TMEM245: variants seen among roughly 807,000 people sequenced by gnomAD.
TMEM245 encodes protein CG-2.
In TMEM245, 69 loss-of-function variants were observed where a neutral mutation model predicts 101.2. The ratio of observed to expected loss-of-function variants is 0.68; its 90% CI spans 0.56 to 0.83. TMEM245 has a LOEUF of 0.83. TMEM245 is among the 40% of genes least tolerant of loss of function. TMEM245 has a pLI of 0.00. For missense variants in TMEM245, 1,075 were observed against 1,092.8 expected (o/e 0.98, Z 0.23); for synonymous variants, 537 against 449.8 (o/e 1.19, Z -2.45).
intron 6 of TMEM245, 152 bp from the exon 7 acceptor site, chr9:109,086,172 CAA>C: frequency 1.4e-6 from 1 of 715,544 alleles, no homozygotes; most frequent in Non-Finnish European, 2.4e-6. Context: ...TGTAACACAT[CAA>C]AGTTTTAAAA....
chr9:109,074,952 C>A (rs141534408), intron 8 of TMEM245, among the ~76,000 whole-genome samples: 1 of 152,144 alleles, frequency 6.6e-6, no homozygotes, highest in African/African-American at 2.4e-5. Context: ...AGGCCTGACA[C>A]GTTCTTGTGA....
chr9:109,080,261 G>A (rs570729509), intron 8 of TMEM245, among the ~76,000 whole-genome samples: 1 of 152,030 alleles, frequency 6.6e-6, no homozygotes, highest in East Asian at 1.9e-4. Flanking sequence ...AAAGTGGGGG[G>A]GAAATCTTGT....
intron 7 of TMEM245, 83 bp downstream of exon 7, chr9:109,085,914 G>T (rs1829819016): frequency 6.8e-7 from 1 of 1,461,042 alleles, no homozygotes; most frequent in African/African-American, 1.4e-5. Flanking sequence ...TTTGACACAT[G>T]GACAGAAACA....
At position 109,057,621 on chromosome 9, in the gene TMEM245, C is replaced by T. The variant is rs551413530; in HGVS notation, c.1723-299G>A. On this transcript the variant is annotated intron_variant, in intron 11 of 17. Transcript: ENST00000374586. ...CAAAAATTAGCCAGGCGTGGTGGCA[C>T]GTGCCTGTAATCCCAGCTACTCAGG... 3.3e-5 allele frequency among the ~76,000 whole-genome samples: 5 copies of T among 152,052 alleles called. No homozygotes were observed. The East Asian group carries it at 5.8e-4, about 18-fold the overall frequency.
At chr9:109,020,864 T>A (rs1396361775) in intron 17 of TMEM245, among the ~76,000 whole-genome samples, 2 of 152,208 alleles carry the variant, frequency 1.3e-5, no homozygotes, top group Admixed American at 1.3e-4. Flanking sequence ...GAAGTGGATA[T>A]GATGATTGAT....
chr9:109,073,072 G>GA (rs924031751), intron 9 of TMEM245, among the ~76,000 whole-genome samples: 10 of 152,178 alleles, frequency 6.6e-5, no homozygotes, highest in African/African-American at 2.4e-4. Flanking sequence ...AGGAACAAAT[G>GA]ACATAAGACA....
At chr9:109,035,363 T>C (rs1047877233) in intron 16 of TMEM245, among the ~76,000 whole-genome samples, 2 of 152,128 alleles carry the variant, frequency 1.3e-5, no homozygotes, top group African/African-American at 4.8e-5. Flanking sequence ...TTAATGTGAC[T>C]GAGAACTGGC....
At chr9:109,063,925 A>G (rs1588045458) in intron 10 of TMEM245, among the ~76,000 whole-genome samples, 1 of 152,210 alleles carries the variant, frequency 6.6e-6, no homozygotes, top group East Asian at 1.9e-4. Context: ...CACTGCGAGC[A>G]TGCTACAGTA....
Position 109,119,567 on chromosome 9 carries a change from T to C in TMEM245, c.347A>G (p.His116Arg), listed in dbSNP as rs982587248. 18 of 1,539,510 alleles carry C rather than the reference T, an allele frequency of 1.2e-5. No homozygotes were observed. In the African/African-American group the frequency reaches 2.4e-4, roughly 20 times the overall value. The change falls in exon 1 of 18, where the codon CAC becomes CGC. Residue 116 changes from histidine to arginine, a missense_variant. Transcript: ENST00000374586. ...RHWLQRLHRA[H>R]TPIVLAALLL... Reference sequence around the variant, plus strand: ...CAGCGCGGCCAGGACGATGGGCGTGTGCGCGCGGTGCAGGCGCTGCAGCCA... The same window carrying C: ...CAGCGCGGCCAGGACGATGGGCGTGCGCGCGCGGTGCAGGCGCTGCAGCCA...
chr9:109,117,439 CA>C (rs1258206685), intron 1 of TMEM245, among the ~76,000 whole-genome samples: 5 of 152,158 alleles, frequency 3.3e-5, no homozygotes, highest in Non-Finnish European at 5.9e-5. Context: ...TTTAAAAAAT[CA>C]TTAATTAGTT....
intron 12 of TMEM245, among the ~76,000 whole-genome samples, chr9:109,051,195 G>C (rs1828669019): frequency 6.6e-6 from 1 of 151,956 alleles, no homozygotes; most frequent in South Asian, 2.1e-4. Context: ...GGGAGGCTGA[G>C]GGAGGAGAAT....
intron 17 of TMEM245, among the ~76,000 whole-genome samples, chr9:109,028,666 T>A (rs1827861040): frequency 1.3e-5 from 2 of 152,102 alleles, no homozygotes; most frequent in South Asian, 4.2e-4. Flanking sequence ...GGGCTGGGTC[T>A]AATCAGGCGA....
At chr9:109,104,980 CACAA>C (rs1830372432) in intron 3 of TMEM245, among the ~76,000 whole-genome samples, 3 of 152,104 alleles carry the variant, frequency 2.0e-5, no homozygotes, top group South Asian at 4.1e-4. Flanking sequence ...ACATCAAAAA[CACAA>C]GCAATAAAAG....
chr9:109,103,266 A>T (rs1167038617), intron 3 of TMEM245, among the ~76,000 whole-genome samples: 2 of 152,242 alleles, frequency 1.3e-5, no homozygotes. Flanking sequence ...GCTGCAGGAC[A>T]CAAGATCAAC....
chr9:109,112,693 A>G (rs948381817), intron 1 of TMEM245, among the ~76,000 whole-genome samples: 1 of 152,258 alleles, frequency 6.6e-6, no homozygotes, highest in Non-Finnish European at 1.5e-5. Context: ...CTTCTACTTT[A>G]TATGTTCACA....
At chr9:109,033,536 ACTGG>A (rs1564170999) in intron 16 of TMEM245, 35 bp from the exon 17 acceptor site, 1 of 1,524,786 alleles carries the variant, frequency 6.6e-7, no homozygotes, top group Admixed American at 2.2e-5. Flanking sequence ...ACACACAAAA[ACTGG>A]AAAAAATCTG....
intron 8 of TMEM245, among the ~76,000 whole-genome samples, chr9:109,074,971 G>C (rs1829453599): frequency 6.6e-6 from 1 of 152,188 alleles, no homozygotes; most frequent in African/African-American, 2.4e-5. Flanking sequence ...GAGGACTTAG[G>C]CTAGCATTTT....
Position 109,060,365 on chromosome 9 carries a change from A to G in TMEM245, c.1711T>C (p.Trp571Arg). The part of the protein sequence containing the change: ...LELWDRLYHS[W>R]FVKNVTHSGR... ...CTAAAATAACTTACCTTTACAAACC[A>G]AGAGTGATACAGTCTGTCCCAAAGT... The change falls in exon 11 of 18, where the codon TGG becomes CGG. Residue 571 changes from tryptophan (W) to arginine (R), a missense_variant. Around this residue, in one of 2 missense-constraint regions of TMEM245, gnomAD observed 808 missense variants for 741.5 expected, o/e 1.09. Transcript: ENST00000374586. 6.2e-7 allele frequency: 1 copy of G among 1,612,116 alleles called. No individual in the cohort carries two copies. The highest frequency in any genetic ancestry group is 8.5e-7 in the Non-Finnish European group (1 of 1,179,120).
intron 3 of TMEM245, among the ~76,000 whole-genome samples, chr9:109,101,347 T>C (rs1830276630): frequency 1.3e-5 from 2 of 152,134 alleles, no homozygotes; most frequent in East Asian, 1.9e-4. Flanking sequence ...AAAGAGCCGA[T>C]GCACACACTG....
Sources: allele counts gnomAD v4.1 joint callset (sites outside exome capture counted in the v4.1 genomes callset), GRCh38; gene constraint gnomAD v4.1.1; regional missense constraint gnomAD v4.1.1; transcripts MANE v1.5; gene names NCBI Gene and HGNC (gene_info 2026-07-23, HGNC 2026-07-21).